The following SLC45A4 variants were observed in gnomAD, a reference collection of about 807,000 sequenced individuals.
The protein encoded by SLC45A4 is solute carrier family 45 member 4.
Under a neutral mutation model 63.7 loss-of-function variants are expected in SLC45A4, and 32 were observed. The ratio of observed to expected loss-of-function variants is 0.50; its 90% CI spans 0.38 to 0.67. The LOEUF is 0.67. Ranked by LOEUF, SLC45A4 falls within the 30% of genes least tolerant of loss-of-function variation. SLC45A4 has a pLI of 0.00. For missense variants in SLC45A4, 1,027 were observed against 1,157.7 expected (o/e 0.89, Z 1.64); for synonymous variants, 535 against 510.0 (o/e 1.05, Z -0.66).
intron 1 of SLC45A4, among the ~76,000 whole-genome samples, chr8:141,265,704 G>A (rs996199589): frequency 5.3e-5 from 8 of 152,132 alleles, no homozygotes; most frequent in South Asian, 4.1e-4. Flanking sequence ...AGCTGCTGTC[G>A]CCTCAGCTGC....
chr8:141,266,684 C>T (rs1829281335), intron 1 of SLC45A4, among the ~76,000 whole-genome samples: 1 of 152,176 alleles, frequency 6.6e-6, no homozygotes, highest in African/African-American at 2.4e-5. Context: ...AGACTGGCAT[C>T]CATAATATAC....
At chr8:141,243,756 A>C (rs1019033676) in intron 2 of SLC45A4, among the ~76,000 whole-genome samples, 6 of 151,950 alleles carry the variant, frequency 3.9e-5, no homozygotes, top group African/African-American at 1.4e-4. Context: ...CCCGCTCCTG[A>C]TCCTCCTCAG....
chr8:141,274,949 C>A (rs553311672), intron 1 of SLC45A4, among the ~76,000 whole-genome samples: 1 of 152,220 alleles, frequency 6.6e-6, no homozygotes, highest in African/African-American at 2.4e-5. Flanking sequence ...AGGGCCACTG[C>A]GGATGGGAGA....
intron 1 of SLC45A4, among the ~76,000 whole-genome samples, chr8:141,271,294 C>T (rs1429660317): frequency 2.0e-5 from 3 of 152,216 alleles, no homozygotes; most frequent in Non-Finnish European, 4.4e-5. Flanking sequence ...CAGGCTAGAG[C>T]ATCACCTCAC....
chr8:141,253,694 A>G (rs1828631862), intron 2 of SLC45A4, among the ~76,000 whole-genome samples: 2 of 152,200 alleles, frequency 1.3e-5, no homozygotes, highest in Admixed American at 1.3e-4. Flanking sequence ...GGGAGAGGTG[A>G]GCCCCGGCCG....
At chr8:141,289,653 T>C in intron 1 of SLC45A4, among the ~76,000 whole-genome samples, 1 of 151,874 alleles carries the variant, frequency 6.6e-6, no homozygotes, top group Non-Finnish European at 1.5e-5. Flanking sequence ...CAGCTTCCTG[T>C]AGTAAGAGAA....
Position 141,241,255 on chromosome 8 carries a change from C to G in SLC45A4, c.241+12734G>C, listed in dbSNP as rs139644547. On this transcript the variant is annotated intron_variant, in intron 2 of 8. Coordinates refer to ENST00000517878, the MANE Select transcript of SLC45A4 (RefSeq NM_001286646.2). ...GGAGCAGCAGCACAGCCAAGAAGGG[C>G]GACAGACGGCTCACCGGCAACGTGG... 3.0e-3 allele frequency among the ~76,000 whole-genome samples: 455 copies of G among 152,366 alleles called. 2 individuals carry two copies. Among genetic ancestry groups the G allele is most frequent in the Admixed American group, 5.4e-3 (83 of 15,310 alleles).
At chr8:141,234,270 A>G (rs1298908740) in intron 2 of SLC45A4, among the ~76,000 whole-genome samples, 1 of 152,090 alleles carries the variant, frequency 6.6e-6, no homozygotes, top group Non-Finnish European at 1.5e-5. Flanking sequence ...TTCTTCATTC[A>G]CCGTCAGGAC....
At chr8:141,307,834 C>T (rs1287268638) in intron 1 of SLC45A4, among the ~76,000 whole-genome samples, 3 of 142,262 alleles carry the variant, frequency 2.1e-5, no homozygotes, top group African/African-American at 7.9e-5. Flanking sequence ...ATGAGGGAGG[C>T]TGCAGGGCTG....
chr8:141,223,174 G>A (rs1826760135), intron 2 of SLC45A4, among the ~76,000 whole-genome samples: 1 of 152,156 alleles, frequency 6.6e-6, no homozygotes, highest in Admixed American at 6.5e-5. Context: ...GTATGCATTC[G>A]GCCGAGGATT....
chr8:141,290,595 C>G (rs890108862), intron 1 of SLC45A4, among the ~76,000 whole-genome samples: 1 of 152,208 alleles, frequency 6.6e-6, no homozygotes, highest in African/African-American at 2.4e-5. Context: ...ACATGAAACA[C>G]AACAACCCAG....
At position 141,255,272 on chromosome 8, in the gene SLC45A4, C is replaced by T. The variant is rs185437579; in HGVS notation, c.-400-643G>A. ...ACACCCAGCTAATTTTTCTAGGGTC[C>T]CCATTACATTGACCTGGCTGGTATC... is the stretch of plus-strand genomic sequence containing the variant. On this transcript the variant is annotated intron_variant, in intron 1 of 8. Coordinates refer to ENST00000517878, the MANE Select transcript of SLC45A4 (RefSeq NM_001286646.2). Among the ~76,000 whole-genome samples the T allele has an allele frequency of 6.9e-3, 1,057 of 152,100 alleles. 14 individuals carry two copies. Among genetic ancestry groups the T allele is most frequent in the African/African-American group, 0.025 (1,024 of 41,476 alleles).
chr8:141,220,774 T>G (rs1826569787), intron 3 of SLC45A4, among the ~76,000 whole-genome samples: 1 of 152,196 alleles, frequency 6.6e-6, no homozygotes, highest in African/African-American at 2.4e-5. Context: ...GGGTCACATT[T>G]GGGCAGGACC....
At chr8:141,295,819 C>T (rs1397405099) in intron 1 of SLC45A4, among the ~76,000 whole-genome samples, 1 of 152,206 alleles carries the variant, frequency 6.6e-6, no homozygotes, top group East Asian at 1.9e-4. Context: ...CCTTGAGTGC[C>T]CCAGCAGCCA....
chr8:141,246,786 TA>T (rs150323471), intron 2 of SLC45A4, among the ~76,000 whole-genome samples: 12,996 of 151,770 alleles, frequency 0.086, 798 homozygotes, highest in Admixed American at 0.17. Flanking sequence ...AAGAAAAATA[TA>T]AAAAAACCAA....
At chr8:141,213,557 T>C (rs1039342498) in intron 7 of SLC45A4, among the ~76,000 whole-genome samples, 1 of 152,242 alleles carries the variant, frequency 6.6e-6, no homozygotes, top group Non-Finnish European at 1.5e-5. Flanking sequence ...AAAACCTGCA[T>C]GGTGCAGCTA....
At position 141,244,134 on chromosome 8, in the gene SLC45A4, G is replaced by A. The variant is rs114901103; in HGVS notation, c.241+9855C>T. 8.5e-3 allele frequency among the ~76,000 whole-genome samples: 1,300 copies of A among 152,232 alleles called. 14 individuals carry two copies. The highest frequency in any genetic ancestry group is 0.029 in the African/African-American group (1,217 of 41,530). ...AGACTGCGCCCCTATTCTTCATGGT[G>A]CGCTCCGCCTGTCCTGAGGTCACAG... On this transcript the variant is annotated intron_variant, in intron 2 of 8. Coordinates refer to ENST00000517878, the MANE Select transcript of SLC45A4 (RefSeq NM_001286646.2).
At chr8:141,231,571 G>A (rs909338920) in intron 2 of SLC45A4, among the ~76,000 whole-genome samples, 1 of 152,228 alleles carries the variant, frequency 6.6e-6, no homozygotes, top group Non-Finnish European at 1.5e-5. Context: ...GTGGGCGGAC[G>A]GCTGGCACTG....
At chr8:141,277,870 C>T (rs1195678839) in intron 1 of SLC45A4, among the ~76,000 whole-genome samples, 1 of 151,030 alleles carries the variant, frequency 6.6e-6, no homozygotes, top group Non-Finnish European at 1.5e-5. Flanking sequence ...TCTCGATCTC[C>T]TGACCTCGTG....
Sources: gnomAD v4.1 joint callset for allele counts (sites outside exome capture counted in the v4.1 genomes callset) on GRCh38, gnomAD v4.1.1 for gene constraint, MANE v1.5 for transcripts, NCBI Gene and HGNC (gene_info 2026-07-23, HGNC 2026-07-21) for gene names.